Variants in PDE1C observed in about 807,000 individuals in gnomAD.
PDE1C encodes dual specificity calcium/calmodulin-dependent 3',5'-cyclic nucleotide phosphodiesterase 1C.
A neutral mutation model predicts 93.1 loss-of-function variants in PDE1C; 62 were observed. The ratio of observed to expected loss-of-function variants is 0.67; its 90% CI spans 0.54 to 0.82. The LOEUF is 0.82. PDE1C is among the 40% of genes least tolerant of loss of function. The pLI, the probability that PDE1C is intolerant of heterozygous loss-of-function variation, is 0.00. For missense variants in PDE1C, 742 were observed against 884.6 expected, an observed-to-expected ratio of 0.84 and a Z score of 2.04; for synonymous variants, 325 against 310.1, an observed-to-expected ratio of 1.05 and a Z score of -0.50.
intron 1 of PDE1C, among the ~76,000 whole-genome samples, chr7:32,398,549 C>G (rs1311905906): frequency 1.3e-5 from 2 of 151,678 alleles, no homozygotes; most frequent in Non-Finnish European, 2.9e-5. Context: ...CCACCAAACC[C>G]AGCTGATATT....
chr7:32,082,975 C>A (rs1362176239), intron 3 of PDE1C, among the ~76,000 whole-genome samples: 2 of 151,058 alleles, frequency 1.3e-5, no homozygotes, highest in Admixed American at 6.6e-5. Context: ...CGCAGTTCCT[C>A]ACCAGCAATG....
intron 12 of PDE1C, among the ~76,000 whole-genome samples, chr7:31,826,189 C>T (rs748421479): frequency 5.9e-5 from 9 of 152,246 alleles, no homozygotes; most frequent in South Asian, 4.1e-4. Flanking sequence ...CATTCTCCTT[C>T]GAAGGGCATG....
chr7:31,756,375 A>G (rs778833848), intron 17 of PDE1C, among the ~76,000 whole-genome samples: 4 of 152,184 alleles, frequency 2.6e-5, no homozygotes, highest in African/African-American at 9.6e-5. Flanking sequence ...ATAAATTCCA[A>G]TTGAGAGATA....
At chr7:31,867,295 C>G (rs1273042406) in intron 6 of PDE1C, among the ~76,000 whole-genome samples, 1 of 152,100 alleles carries the variant, frequency 6.6e-6, no homozygotes, top group Non-Finnish European at 1.5e-5. Context: ...TGCATGCTCC[C>G]CAGCCACCCG....
intron 2 of PDE1C, among the ~76,000 whole-genome samples, chr7:31,923,622 T>C (rs1192133487): frequency 6.6e-6 from 1 of 152,198 alleles, no homozygotes; most frequent in Non-Finnish European, 1.5e-5. Context: ...TGTCTGTGTC[T>C]GACAACACAC....
intron 2 of PDE1C, among the ~76,000 whole-genome samples, chr7:31,956,037 C>T (rs529251631): frequency 2.6e-5 from 4 of 152,210 alleles, no homozygotes; most frequent in South Asian, 2.1e-4. Flanking sequence ...AGTCAAAGGG[C>T]GATGGTGAGG....
intron 1 of PDE1C, among the ~76,000 whole-genome samples, chr7:32,295,846 A>T (rs1170905775): frequency 6.8e-6 from 1 of 146,394 alleles, no homozygotes; most frequent in Non-Finnish European, 1.5e-5. Flanking sequence ...GTGAGCTGAG[A>T]TCGGGTCACT....
chr7:31,837,162 GA>G lies in PDE1C; in HGVS notation c.1203+17del. ...ATCCAATGATGACAGTCCTGATGGA[GA>G]GAGAGCAACAAGGTACCTGTCTGAA... On this transcript the variant is annotated intron_variant, in intron 11 of 17. Coordinates refer to ENST00000396191, the MANE Select transcript of PDE1C (RefSeq NM_001191057.4). The G allele has an allele frequency of 9.3e-6, 15 of 1,610,222 alleles. No individual in the cohort carries two copies. Among genetic ancestry groups the G allele is most frequent in the Non-Finnish European group, 1.3e-5 (15 of 1,177,860 alleles).
chr7:32,060,073 A>G (rs1435795594), intron 1 of PDE1C, among the ~76,000 whole-genome samples: 3 of 152,308 alleles, frequency 2.0e-5, no homozygotes, highest in African/African-American at 7.2e-5. Context: ...TATAAATCCA[A>G]AGGATTAAGA....
In PDE1C at chr7:31,831,476, G is replaced by GCACACACACACA. The variant is rs3842163; in HGVS notation, c.1204-3115_1204-3104dup. 2.0e-3 allele frequency among the ~76,000 whole-genome samples: 278 copies of GCACACACACACA among 141,142 alleles called. 4 individuals carry two copies. Among genetic ancestry groups the GCACACACACACA allele is most frequent in the South Asian group, 0.018 (79 of 4,428 alleles). 92.6% of individuals were successfully genotyped at this position (141,142 alleles called of 152,430 possible). A position where few individuals can be genotyped will look rare whatever the true frequency, so the allele number is the denominator to read the frequency against. The stretch of plus-strand genomic sequence containing the variant: ...GCCCTACAAAAGTAAGGAAGTAAAG[G>GCACACACACACA]CACACACACACACACATGCACGCAC... On this transcript the variant is annotated intron_variant, in intron 11 of 17. Coordinates refer to ENST00000396191, the MANE Select transcript of PDE1C (RefSeq NM_001191057.4).
intron 3 of PDE1C, among the ~76,000 whole-genome samples, chr7:32,083,019 T>C (rs1160141401): frequency 1.7e-4 from 26 of 150,428 alleles, no homozygotes; most frequent in Non-Finnish European, 2.2e-4. Flanking sequence ...CTTTGACGAG[T>C]TGAGAGAAGA....
At chr7:32,037,996 C>T (rs1209773836) in intron 2 of PDE1C, among the ~76,000 whole-genome samples, 5 of 151,966 alleles carry the variant, frequency 3.3e-5, no homozygotes, top group Non-Finnish European at 5.9e-5. Flanking sequence ...TAATGCAAAC[C>T]ACATGGACTG....
exon 1 of PDE1C, chr7:32,299,206 C>A: frequency 1.0e-6 from 1 of 990,274 alleles, no homozygotes; most frequent in Non-Finnish European, 1.2e-6. Context: ...GAATTGGCGT[C>A]GTGCGTCTTC....
chr7:31,965,319 C>T (rs931850970), intron 2 of PDE1C, among the ~76,000 whole-genome samples: 7 of 152,154 alleles, frequency 4.6e-5, no homozygotes, highest in African/African-American at 1.4e-4. Context: ...ACGCACAAGC[C>T]TCAGTAGCCG....
At chr7:32,253,538 C>T (rs1809547237) in intron 1 of PDE1C, among the ~76,000 whole-genome samples, 1 of 152,204 alleles carries the variant, frequency 6.6e-6, no homozygotes, top group African/African-American at 2.4e-5. Context: ...TCTCTCATCT[C>T]TCTTAAATGG....
chr7:31,886,962 T>G (rs1798033576), intron 2 of PDE1C, among the ~76,000 whole-genome samples: 2 of 148,058 alleles, frequency 1.4e-5, no homozygotes, highest in Admixed American at 1.3e-4. Context: ...GAAATGTAAT[T>G]TTCTCCTGGA....
chr7:31,896,472 C>G (rs765658044), intron 2 of PDE1C, among the ~76,000 whole-genome samples: 2 of 152,176 alleles, frequency 1.3e-5, no homozygotes, highest in African/African-American at 2.4e-5. Context: ...TTAAAACTGA[C>G]AGCTAGCCTT....
chr7:31,800,019 A>T (rs1785798555), intron 16 of PDE1C, among the ~76,000 whole-genome samples: 1 of 151,724 alleles, frequency 6.6e-6, no homozygotes, highest in East Asian at 1.9e-4. Flanking sequence ...TAATTTTCAC[A>T]TCCTTAATGA....
chr7:31,928,222 T>C (rs991558800), intron 2 of PDE1C, among the ~76,000 whole-genome samples: 3 of 151,228 alleles, frequency 2.0e-5, no homozygotes, highest in Admixed American at 1.3e-4. Flanking sequence ...AAATGAAGAG[T>C]GAAGACAAGA....
Sources: allele counts gnomAD v4.1 joint callset (sites outside exome capture counted in the v4.1 genomes callset), GRCh38; gene constraint gnomAD v4.1.1; transcripts MANE v1.5; gene names NCBI Gene and HGNC (gene_info 2026-07-23, HGNC 2026-07-21).